CHP1: variants seen among roughly 807,000 people sequenced by gnomAD.
CHP1 encodes the protein calcineurin B homologous protein 1.
CHP1 carries 11 observed loss-of-function variants against 27.4 expected under a neutral mutation model. The ratio of observed to expected loss-of-function variants is 0.40; its 90% CI spans 0.25 to 0.67. The LOEUF is 0.67. Ranked by LOEUF, CHP1 falls within the 30% of genes least tolerant of loss-of-function variation. The pLI, the probability that CHP1 is intolerant of heterozygous loss-of-function variation, is 0.38. For missense variants in CHP1, 169 were observed against 251.3 expected (o/e 0.67, Z 2.22); for synonymous variants, 89 against 87.4 (o/e 1.02, Z -0.10).
chr15:41,275,811 G>A (rs1372864202), intron 5 of CHP1, among the ~76,000 whole-genome samples: 1 of 151,916 alleles, frequency 6.6e-6, no homozygotes, highest in African/African-American at 2.4e-5. Context: ...TGCCTCCCGG[G>A]TTGAAGCGAT....
chr15:41,276,925 G>A (rs1418599605), intron 5 of CHP1, among the ~76,000 whole-genome samples: 2 of 152,196 alleles, frequency 1.3e-5, no homozygotes, highest in Non-Finnish European at 2.9e-5. Context: ...GGCATCCATA[G>A]CTCATATTAC....
intron 4 of CHP1, among the ~76,000 whole-genome samples, chr15:41,269,392 G>A (rs2047477720): frequency 6.6e-6 from 1 of 152,040 alleles, no homozygotes; most frequent in Admixed American, 6.6e-5. Context: ...TATTTTGGAG[G>A]GGAGTGATAT....
chr15:41,251,906 C>A (rs1480549033), intron 2 of CHP1, among the ~76,000 whole-genome samples: 1 of 150,430 alleles, frequency 6.6e-6, no homozygotes, highest in Non-Finnish European at 1.5e-5. Flanking sequence ...CTATGCCTGG[C>A]TTATTTTGTA....
intron 1 of CHP1, among the ~76,000 whole-genome samples, chr15:41,232,143 T>G (rs983261056): frequency 1.3e-5 from 2 of 152,150 alleles, no homozygotes; most frequent in Non-Finnish European, 2.9e-5. Flanking sequence ...CTGGTGTACT[T>G]TTTTATTCGC....
rs549271179 is a variant in CHP1, at chr15:41,252,631, A to C, written c.141-4279A>C. 5.3e-5 allele frequency among the ~76,000 whole-genome samples: 8 copies of C among 152,294 alleles called. No homozygotes were observed. The East Asian group carries it at 1.5e-3, about 29-fold the overall frequency. On this transcript the variant is annotated intron_variant, in intron 2 of 6. Transcript: ENST00000334660. ...TCTCTCTGTAAGAGAAGGGACTTGC[A>C]CAGTGAAGGTGAGCAGTATAGAGGG...
At chr15:41,278,988 G>T in intron 6 of CHP1, 99 bp downstream of exon 6, 2 of 1,441,988 alleles carry the variant, frequency 1.4e-6, no homozygotes, top group South Asian at 2.4e-5. Flanking sequence ...CAAGGTGGGC[G>T]GATCACGAGG....
At chr15:41,236,453 G>A (rs967574308) in intron 1 of CHP1, among the ~76,000 whole-genome samples, 2 of 151,874 alleles carry the variant, frequency 1.3e-5, no homozygotes, top group African/African-American at 2.4e-5. Context: ...GTAGAGATAG[G>A]GTTTCACCAT....
intron 5 of CHP1, among the ~76,000 whole-genome samples, chr15:41,275,840 C>G (rs1019939214): frequency 6.6e-6 from 1 of 152,014 alleles, no homozygotes. Context: ...CTCAGCCTCC[C>G]GAGTAGCTGG....
At chr15:41,246,189 C>T (rs956932992) in intron 2 of CHP1, among the ~76,000 whole-genome samples, 1 of 152,074 alleles carries the variant, frequency 6.6e-6, no homozygotes, top group Non-Finnish European at 1.5e-5. Context: ...CTTAACCACC[C>T]AGTAAAGACT....
intron 5 of CHP1, among the ~76,000 whole-genome samples, chr15:41,273,522 T>C (rs1445594778): frequency 1.3e-5 from 2 of 151,958 alleles, no homozygotes; most frequent in Admixed American, 6.6e-5. Flanking sequence ...GCTGGGATTA[T>C]AGGCATGCGC....
chr15:41,241,763 C>T (rs2047308180), intron 1 of CHP1, among the ~76,000 whole-genome samples: 1 of 152,200 alleles, frequency 6.6e-6, no homozygotes. Context: ...AGCTCTGGGC[C>T]ACTCACTACC....
chr15:41,273,614 C>G (rs964678046), intron 5 of CHP1, among the ~76,000 whole-genome samples: 10 of 151,548 alleles, frequency 6.6e-5, no homozygotes, highest in Admixed American at 5.9e-4. Flanking sequence ...CTCCTGACTT[C>G]AGGTGATCCA....
In CHP1 at chr15:41,250,380, C is replaced by T. The variant is rs116069927; in HGVS notation, c.141-6530C>T. On this transcript the variant is annotated intron_variant, in intron 2 of 6. Coordinates refer to ENST00000334660, the MANE Select transcript of CHP1 (RefSeq NM_007236.5). ...CATTATTTTGGGTAAGATATTTCTA[C>T]CATTGCCATAGAGATTGTTTTTTCT... Among the ~76,000 whole-genome samples, 1,161 of 152,118 alleles carry T rather than the reference C, an allele frequency of 7.6e-3. 11 individuals carry two copies. Among genetic ancestry groups the T allele is most frequent in the African/African-American group, 0.027 (1,106 of 41,524 alleles).
intron 5 of CHP1, among the ~76,000 whole-genome samples, chr15:41,278,504 C>T (rs1264403206): frequency 6.6e-6 from 1 of 152,150 alleles, no homozygotes; most frequent in East Asian, 1.9e-4. Flanking sequence ...TCTCTCACCT[C>T]CTACTCCACC....
In CHP1 at chr15:41,240,651, G is replaced by T. The variant is rs181435007; in HGVS notation, c.68-3016G>T. Among the ~76,000 whole-genome samples, 584 of 151,670 alleles carry T rather than the reference G, an allele frequency of 3.9e-3. 4 individuals carry two copies. Among genetic ancestry groups the T allele is most frequent in the South Asian group, 0.022 (105 of 4,804 alleles). ...GCCTATAATTCCAGCTACTTGGGAG[G>T]CTGAGGCTGGAGAATCACGGGAACC... On this transcript the variant is annotated intron_variant, in intron 1 of 6. Transcript: ENST00000334660.
At chr15:41,250,703 G>C (rs1271673826) in intron 2 of CHP1, among the ~76,000 whole-genome samples, 1 of 149,766 alleles carries the variant, frequency 6.7e-6, no homozygotes, top group African/African-American at 2.4e-5. Context: ...CCAGCTAAAG[G>C]GCCCATTTTT....
At chr15:41,237,826 C>T (rs1015816020) in intron 1 of CHP1, among the ~76,000 whole-genome samples, 7 of 152,180 alleles carry the variant, frequency 4.6e-5, no homozygotes, top group Admixed American at 4.6e-4. Flanking sequence ...TCTCCCGCCT[C>T]AGCCTCCTGA....
chr15:41,256,396 C>A (rs116947684), intron 2 of CHP1, among the ~76,000 whole-genome samples: 5 of 152,124 alleles, frequency 3.3e-5, no homozygotes, highest in African/African-American at 9.7e-5. Flanking sequence ...AGAGTCAGAA[C>A]AAGGAAATCA....
chr15:41,272,309 T>C (rs77674852), intron 5 of CHP1: 1 of 151,996 alleles, frequency 6.6e-6, no homozygotes, highest in African/African-American at 2.4e-5. Context: ...CAACTGTCCA[T>C]TTTAAATATG....
Sources: allele counts gnomAD v4.1 joint callset (sites outside exome capture counted in the v4.1 genomes callset), GRCh38; gene constraint gnomAD v4.1.1; transcripts MANE v1.5; gene names NCBI Gene and HGNC (gene_info 2026-07-23, HGNC 2026-07-21).